OSBPL1A: variants seen among roughly 807,000 people sequenced by gnomAD.
The protein encoded by OSBPL1A is oxysterol-binding protein-related protein 1.
In OSBPL1A, 80 loss-of-function variants were observed where a neutral mutation model predicts 137.1. That is an observed-to-expected ratio of 0.58 (90% CI 0.49 to 0.70). The LOEUF (loss-of-function observed/expected upper bound fraction) is 0.70. OSBPL1A is among the 30% of genes least tolerant of loss of function. The pLI, the probability that OSBPL1A is intolerant of heterozygous loss-of-function variation, is 0.00. For missense variants in OSBPL1A, 970 were observed against 1,129.4 expected (o/e 0.86, Z 2.02); for synonymous variants, 365 against 389.7 (o/e 0.94, Z 0.75).
chr18:24,369,131 G>A (rs762865166), intron 2 of OSBPL1A, among the ~76,000 whole-genome samples: 6 of 152,130 alleles, frequency 3.9e-5, no homozygotes, highest in Non-Finnish European at 8.8e-5. Context: ...GGACTAATAC[G>A]ATTTGGAAAG....
chr18:24,303,570 C>G (rs2090443501), intron 14 of OSBPL1A, 67 bp downstream of exon 14: 2 of 1,301,364 alleles, frequency 1.5e-6, no homozygotes, highest in East Asian at 2.3e-5. Context: ...TGAAGTCAAA[C>G]AAAACTACAA....
At chr18:24,293,321 C>T (rs2090221520) in intron 14 of OSBPL1A, among the ~76,000 whole-genome samples, 1 of 151,920 alleles carries the variant, frequency 6.6e-6, no homozygotes, top group African/African-American at 2.4e-5. Context: ...GGCCAGTGGC[C>T]AGGCAGAGGA....
chr18:24,310,910 T>C (rs994434516), intron 13 of OSBPL1A, among the ~76,000 whole-genome samples: 2 of 152,198 alleles, frequency 1.3e-5, no homozygotes, highest in Admixed American at 1.3e-4. Flanking sequence ...AAATCTTCCA[T>C]ATTTTCCCAG....
At chr18:24,229,058 C>T (rs962121618) in intron 16 of OSBPL1A, among the ~76,000 whole-genome samples, 3 of 151,918 alleles carry the variant, frequency 2.0e-5, no homozygotes, top group African/African-American at 4.8e-5. Context: ...AAAATTAGCC[C>T]GGCATAGTGG....
chr18:24,263,420 A>G (rs540419294), intron 15 of OSBPL1A, among the ~76,000 whole-genome samples: 28 of 152,334 alleles, frequency 1.8e-4, no homozygotes, highest in Non-Finnish European at 3.8e-4. Context: ...TATTTTACCA[A>G]AAACAAAAAA....
intron 7 of OSBPL1A, among the ~76,000 whole-genome samples, chr18:24,321,273 TG>T (rs1178790408): frequency 1.3e-5 from 2 of 152,142 alleles, no homozygotes; most frequent in African/African-American, 2.4e-5. Context: ...TTGTGGTTTT[TG>T]TTAAAGGGTG....
At chr18:24,350,286 A>G (rs1450470085) in intron 4 of OSBPL1A, among the ~76,000 whole-genome samples, 2 of 152,226 alleles carry the variant, frequency 1.3e-5, no homozygotes, top group Non-Finnish European at 1.5e-5. Context: ...GATGCTCCCA[A>G]TTGGGATGAT....
intron 15 of OSBPL1A, among the ~76,000 whole-genome samples, chr18:24,241,114 C>T (rs1335292767): frequency 1.3e-5 from 2 of 152,184 alleles, no homozygotes; most frequent in African/African-American, 2.4e-5. Context: ...ACACCTTATA[C>T]AAAAATTGAC....
At chr18:24,335,938 A>G (rs2146146784) in intron 5 of OSBPL1A, among the ~76,000 whole-genome samples, 1 of 152,332 alleles carries the variant, frequency 6.6e-6, no homozygotes, top group East Asian at 1.9e-4. Flanking sequence ...TCTACCTCAG[A>G]AGACAGCCAA....
At position 24,163,085 on chromosome 18, in the gene OSBPL1A, TTA is replaced by T; in HGVS notation, c.*92_*93del. ...CATGAGTGTTTTTTCATTTTTTTTT[TTA>T]AAAGATAAGTAGAAACCAAGGGAAA... is the stretch of plus-strand genomic sequence containing the variant. On this transcript the variant is annotated 3_prime_UTR_variant, in exon 28 of 28. Transcript: ENST00000319481. 3 of 898,728 alleles carry T rather than the reference TTA, an allele frequency of 3.3e-6. No homozygotes were observed. The highest frequency in any genetic ancestry group is 5.0e-6 in the Non-Finnish European group (3 of 605,732). The allele number at this position is 898,728 out of a possible 1,614,324, so 55.7% of individuals were successfully genotyped here.
chr18:24,235,251 G>A (rs937323533), intron 16 of OSBPL1A, among the ~76,000 whole-genome samples: 4 of 152,320 alleles, frequency 2.6e-5, no homozygotes, highest in South Asian at 4.1e-4. Context: ...GGTGCAGTGC[G>A]GGTCACCATA....
At chr18:24,296,311 T>C (rs1464572846) in intron 14 of OSBPL1A, among the ~76,000 whole-genome samples, 7 of 152,236 alleles carry the variant, frequency 4.6e-5, no homozygotes, top group Non-Finnish European at 1.0e-4. Flanking sequence ...GCTTGGTCGC[T>C]GTTGCTGTAC....
At chr18:24,250,110 G>A (rs1047953702) in intron 15 of OSBPL1A, among the ~76,000 whole-genome samples, 4 of 151,964 alleles carry the variant, frequency 2.6e-5, no homozygotes, top group Non-Finnish European at 4.4e-5. Context: ...CAGAATTGTG[G>A]GGCCCCCATT....
chr18:24,210,803 T>A (rs1803648531), intron 17 of OSBPL1A, among the ~76,000 whole-genome samples: 1 of 152,182 alleles, frequency 6.6e-6, no homozygotes, highest in African/African-American at 2.4e-5. Flanking sequence ...CCCAAAGTGC[T>A]GAGATTACAG....
At chr18:24,381,885 C>CG (rs1906610451) in intron 1 of OSBPL1A, among the ~76,000 whole-genome samples, 1 of 151,378 alleles carries the variant, frequency 6.6e-6, no homozygotes, top group African/African-American at 2.4e-5. Flanking sequence ...CGCTTGAACC[C>CG]GGGAGGCAGA....
In OSBPL1A at chr18:24,181,360, C is replaced by G. The variant is rs575570603; in HGVS notation, c.1678-81G>C. The G allele has an allele frequency of 8.4e-6, 12 of 1,436,442 alleles. No individual in the cohort carries two copies. In the African/African-American group the frequency reaches 1.7e-4, roughly 20 times the overall value. 89.0% of individuals were successfully genotyped at this position (1,436,442 alleles called of 1,614,324 possible). ...ATTGTTATCTTTACATAACATCCTC[C>G]TGGAAAGGACAGAACAGAAACTAGC... is the stretch of plus-strand genomic sequence containing the variant. On this transcript the variant is annotated intron_variant, in intron 18 of 27. Coordinates refer to ENST00000319481, the MANE Select transcript of OSBPL1A (RefSeq NM_080597.4).
Position 24,255,296 on chromosome 18 carries a change from G to A in OSBPL1A, c.1282-15914C>T, listed in dbSNP as rs74907848. Among the ~76,000 whole-genome samples, 370 of 152,184 alleles carry A rather than the reference G, an allele frequency of 2.4e-3. 2 individuals are homozygous for A. The highest frequency in any genetic ancestry group is 4.1e-3 in the Non-Finnish European group (280 of 68,006). The stretch of plus-strand genomic sequence containing the variant: ...ATTTAAAGGAGAACTAATATCAATC[G>A]TACTCAAACTATTCTACAAAATAGA... On this transcript the variant is annotated intron_variant, in intron 15 of 27. Coordinates refer to ENST00000319481, the MANE Select transcript of OSBPL1A (RefSeq NM_080597.4).
chr18:24,170,631 C>T (rs1034010272), intron 23 of OSBPL1A, 178 bp from the exon 24 acceptor site: 2 of 618,800 alleles, frequency 3.2e-6, no homozygotes, highest in Non-Finnish European at 5.7e-6. Flanking sequence ...GACTGTTTTG[C>T]TGCAATTGAA....
chr18:24,308,665 T>G (rs964085442), intron 13 of OSBPL1A, among the ~76,000 whole-genome samples: 1 of 152,232 alleles, frequency 6.6e-6, no homozygotes, highest in Non-Finnish European at 1.5e-5. Context: ...TCTATGATGC[T>G]GGAAATATTC....
Sources: allele counts gnomAD v4.1 joint callset (sites outside exome capture counted in the v4.1 genomes callset), GRCh38; gene constraint gnomAD v4.1.1; transcripts MANE v1.5; gene names NCBI Gene and HGNC (gene_info 2026-07-23, HGNC 2026-07-21).